Variants in AFG2A observed in about 807,000 individuals in gnomAD.
The protein encoded by AFG2A is AAA ATPase AFG2A.
the AFG2A span, among the ~76,000 whole-genome samples, chr4:123,277,596 G>A: frequency 6.6e-6 from 1 of 152,226 alleles, no homozygotes; most frequent in Admixed American, 6.5e-5. Context: ...CATTCAGTAT[G>A]ATGTTGGTTG....
At chr4:123,173,637 A>T in the AFG2A span, among the ~76,000 whole-genome samples, 75,863 of 151,940 alleles carry the variant, frequency 0.5, 23,427 homozygotes, top group Non-Finnish European at 0.67. Flanking sequence ...TATAGGCCTG[A>T]GCCACTGCAC....
the AFG2A span, among the ~76,000 whole-genome samples, chr4:123,030,022 T>C: frequency 2.0e-5 from 3 of 152,236 alleles, no homozygotes; most frequent in South Asian, 6.2e-4. Flanking sequence ...CCTTGTCCTT[T>C]TATCATGTGG....
chr4:123,098,637 C>T, the AFG2A span, among the ~76,000 whole-genome samples: 2 of 152,008 alleles, frequency 1.3e-5, no homozygotes, highest in Admixed American at 1.3e-4. Flanking sequence ...CTTTGTCTGG[C>T]TTATTTCACT....
At chr4:123,186,178 TTAA>T in the AFG2A span, among the ~76,000 whole-genome samples, 2 of 152,210 alleles carry the variant, frequency 1.3e-5, no homozygotes, top group Admixed American at 6.5e-5. Context: ...TCTATAGGTT[TTAA>T]TAATAATATC....
the AFG2A span, among the ~76,000 whole-genome samples, chr4:123,223,428 TG>T: frequency 1.3e-5 from 2 of 152,080 alleles, no homozygotes. Flanking sequence ...ATACCTGAGA[TG>T]GGGTAATTTA....
At chr4:122,950,999 A>G in the AFG2A span, among the ~76,000 whole-genome samples, 1 of 152,170 alleles carries the variant, frequency 6.6e-6, no homozygotes, top group Admixed American at 6.5e-5. Context: ...CTTCTTTTGT[A>G]ACCAGTTGAC....
At chr4:123,186,812 AAT>A in the AFG2A span, among the ~76,000 whole-genome samples, 159 of 152,224 alleles carry the variant, frequency 1.0e-3, no homozygotes, top group Middle Eastern at 3.4e-3. Context: ...AAGTTACCTT[AAT>A]TAAAAAGAGA....
chr4:123,223,225 G>A, the AFG2A span, among the ~76,000 whole-genome samples: 1 of 152,154 alleles, frequency 6.6e-6, no homozygotes, highest in East Asian at 1.9e-4. Flanking sequence ...TTTGATTATA[G>A]CCATGCTGAC....
the AFG2A span, among the ~76,000 whole-genome samples, chr4:123,051,020 G>A: frequency 1.3e-5 from 2 of 151,750 alleles, no homozygotes; most frequent in African/African-American, 4.8e-5. Flanking sequence ...CAGGTGTGAG[G>A]GTCTTGTTTT....
At chr4:123,305,756 G>A in the AFG2A span, among the ~76,000 whole-genome samples, 2 of 151,940 alleles carry the variant, frequency 1.3e-5, no homozygotes, top group Admixed American at 1.3e-4. Flanking sequence ...TTCACAATAC[G>A]CCTGTTTCTG....
the AFG2A span, among the ~76,000 whole-genome samples, chr4:122,966,290 A>ATC: frequency 3.9e-5 from 6 of 152,172 alleles, no homozygotes; most frequent in Non-Finnish European, 7.4e-5. Flanking sequence ...AAATCAGTAA[A>ATC]CTTACCTATT....
the AFG2A span, among the ~76,000 whole-genome samples, chr4:122,927,455 A>G: frequency 1.4e-3 from 219 of 152,372 alleles, 5 homozygotes; most frequent in South Asian, 0.028. Context: ...TAGACCCTCA[A>G]AAGCATTTGA....
the AFG2A span, among the ~76,000 whole-genome samples, chr4:123,079,046 G>A: frequency 8.5e-3 from 1,293 of 152,242 alleles, 73 homozygotes; most frequent in Admixed American, 0.076. Context: ...AATGGTGTTA[G>A]GAATGAGGGG....
At chr4:123,059,742 A>G in the AFG2A span, among the ~76,000 whole-genome samples, 1 of 151,216 alleles carries the variant, frequency 6.6e-6, no homozygotes, top group Non-Finnish European at 1.5e-5. Flanking sequence ...GACTTCCACA[A>G]TGGTTGAACT....
the AFG2A span, among the ~76,000 whole-genome samples, chr4:123,074,208 C>T: frequency 6.8e-6 from 1 of 147,198 alleles, no homozygotes; most frequent in Admixed American, 7.1e-5. Context: ...ATTCACCCTG[C>T]CTCTGCCTCC....
chr4:122,931,711 T>C, the AFG2A span, among the ~76,000 whole-genome samples: 1 of 152,190 alleles, frequency 6.6e-6, no homozygotes, highest in Non-Finnish European at 1.5e-5. Flanking sequence ...GCTTCTTCAC[T>C]ACACTGCTGT....
At chr4:123,062,411 A>G in the AFG2A span, among the ~76,000 whole-genome samples, 1 of 152,344 alleles carries the variant, frequency 6.6e-6, no homozygotes, top group South Asian at 2.1e-4. Context: ...TCATATTACC[A>G]GCCTTTATTT....
the AFG2A span, among the ~76,000 whole-genome samples, chr4:123,175,284 A>T: frequency 6.6e-6 from 1 of 152,202 alleles, no homozygotes; most frequent in Non-Finnish European, 1.5e-5. Context: ...TATGTAGACC[A>T]TAAGAAAAAT....
the AFG2A span, among the ~76,000 whole-genome samples, chr4:122,964,543 A>G: frequency 1.3e-5 from 2 of 152,048 alleles, no homozygotes; most frequent in African/African-American, 2.4e-5. Context: ...TGCAACTAGA[A>G]TAGAATAATC....
Sources: allele counts gnomAD v4.1 joint callset (sites outside exome capture counted in the v4.1 genomes callset), GRCh38; gene constraint gnomAD v4.1.1; transcripts MANE v1.5; gene names NCBI Gene and HGNC (gene_info 2026-07-23, HGNC 2026-07-21).